SPAG16: variants seen among roughly 807,000 people sequenced by gnomAD.
SPAG16 encodes the protein sperm associated antigen 16.
In SPAG16, 86 loss-of-function variants were observed where a neutral mutation model predicts 80.4. That is an observed-to-expected ratio of 1.07 (90% CI 0.90 to 1.28). SPAG16 has a LOEUF of 1.28. Ranked by LOEUF, SPAG16 falls within the 50% of genes most tolerant of loss-of-function variation. The pLI, the probability that SPAG16 is intolerant of heterozygous loss-of-function variation, is 0.00. For synonymous variants in SPAG16, 294 were observed against 265.9 expected, an observed-to-expected ratio of 1.11 and a Z score of -1.03; for missense variants, 870 against 765.3, an observed-to-expected ratio of 1.14 and a Z score of -1.61.
At chr2:213,947,946 T>G (rs2079546553) in intron 12 of SPAG16, among the ~76,000 whole-genome samples, 1 of 152,180 alleles carries the variant, frequency 6.6e-6, no homozygotes. Context: ...CTTGCCAGTC[T>G]TATTTTTCCT....
chr2:213,694,318 G>A (rs190021168), intron 10 of SPAG16, among the ~76,000 whole-genome samples: 3 of 152,148 alleles, frequency 2.0e-5, no homozygotes, highest in Non-Finnish European at 4.4e-5. Flanking sequence ...GCTTCTCATT[G>A]ATATCCTTTT....
At position 214,057,674 on chromosome 2, in the gene SPAG16, C is replaced by T. The variant is rs559395983; in HGVS notation, c.1527+43597C>T. Among the ~76,000 whole-genome samples, 21 of 152,282 alleles carry T rather than the reference C, an allele frequency of 1.4e-4. No homozygotes were observed. In the South Asian group the frequency reaches 4.1e-3, roughly 30 times the overall value. The stretch of plus-strand genomic sequence containing the variant: ...AAGCTTTGAAGCCAGACATCGACTT[C>T]TCCTCTCTAGCTAAGAAAGTCCTAG... On this transcript the variant is annotated intron_variant, in intron 13 of 15. Transcript: ENST00000331683.
rs183338060 is a variant in SPAG16 at position 213,350,055 on chromosome 2, A to G, written c.645-473A>G. ...GCTGAATTATTCCTTCTGTTTAGAT[A>G]TCAAAATGTTTTTATACTTAATTTT... On this transcript the variant is annotated intron_variant, in intron 6 of 15. Transcript: ENST00000331683. 4.2e-3 allele frequency among the ~76,000 whole-genome samples: 641 copies of G among 152,354 alleles called. 3 individuals carry two copies. The highest frequency in any genetic ancestry group is 0.017 in the South Asian group (82 of 4,830).
intron 14 of SPAG16, among the ~76,000 whole-genome samples, chr2:214,127,332 A>G (rs777117268): frequency 3.4e-4 from 51 of 151,786 alleles, no homozygotes; most frequent in Non-Finnish European, 6.6e-4. Flanking sequence ...CAGGGGGTCC[A>G]GTGATGTTCA....
intron 7 of SPAG16, among the ~76,000 whole-genome samples, chr2:213,352,569 G>C (rs937766280): frequency 1.3e-5 from 2 of 152,170 alleles, no homozygotes; most frequent in African/African-American, 2.4e-5. Context: ...AAAGAGCTAA[G>C]AACTGGGAAT....
chr2:214,328,807 A>G (rs1038488479), intron 15 of SPAG16, among the ~76,000 whole-genome samples: 2 of 152,150 alleles, frequency 1.3e-5, no homozygotes, highest in African/African-American at 4.8e-5. Context: ...GAAAGCTTCA[A>G]TTCATGTACA....
intron 10 of SPAG16, among the ~76,000 whole-genome samples, chr2:213,778,561 G>C (rs995349689): frequency 6.6e-6 from 1 of 151,980 alleles, no homozygotes; most frequent in East Asian, 1.9e-4. Flanking sequence ...CCTAGGTTTT[G>C]TCATAACTCT....
At chr2:214,278,558 A>T (rs182963665) in intron 15 of SPAG16, among the ~76,000 whole-genome samples, 4 of 152,328 alleles carry the variant, frequency 2.6e-5, no homozygotes, top group African/African-American at 9.6e-5. Context: ...GGACTGATCT[A>T]GTCCTTCTAT....
At chr2:214,347,446 G>A (rs575167614) in intron 15 of SPAG16, among the ~76,000 whole-genome samples, 2 of 151,968 alleles carry the variant, frequency 1.3e-5, no homozygotes, top group South Asian at 2.1e-4. Flanking sequence ...GCAAGGCAAA[G>A]ATCAAATCCT....
chr2:213,833,399 G>A (rs768643222), intron 10 of SPAG16, among the ~76,000 whole-genome samples: 1 of 105,618 alleles, frequency 9.5e-6, no homozygotes, highest in Non-Finnish European at 1.8e-5. Context: ...GCATGTGTGT[G>A]AATGTGTGTG....
intron 10 of SPAG16, among the ~76,000 whole-genome samples, chr2:213,653,225 C>T (rs2063091539): frequency 2.0e-5 from 3 of 152,194 alleles, no homozygotes; most frequent in Admixed American, 2.0e-4. Context: ...TAACCTCTAC[C>T]TTTGGTTAAC....
At chr2:214,333,468 C>T (rs775143970) in intron 15 of SPAG16, among the ~76,000 whole-genome samples, 2 of 152,146 alleles carry the variant, frequency 1.3e-5, no homozygotes, top group African/African-American at 2.4e-5. Flanking sequence ...CTTTGGAATT[C>T]GATCATCCTC....
In SPAG16 at chr2:213,608,239, A is replaced by C. The variant is rs920887891; in HGVS notation, c.1070+118149A>C. ...TGCACAACGTGCAGGTTTGTTACAT[A>C]TGTATACATGTGCCATGTTGGTGTG... On this transcript the variant is annotated intron_variant, in intron 10 of 15. Transcript: ENST00000331683. 2.0e-5 allele frequency among the ~76,000 whole-genome samples: 3 copies of C among 152,110 alleles called. No homozygotes were observed. The East Asian group carries it at 5.8e-4, about 29-fold the overall frequency.
chr2:213,838,833 A>AT (rs1268281414), intron 10 of SPAG16, among the ~76,000 whole-genome samples: 4 of 152,148 alleles, frequency 2.6e-5, no homozygotes, highest in African/African-American at 9.7e-5. Context: ...CGCTTTCCTG[A>AT]TTTTTTGAAA....
intron 15 of SPAG16, among the ~76,000 whole-genome samples, chr2:214,389,684 T>C (rs1244657351): frequency 6.6e-6 from 1 of 152,244 alleles, no homozygotes; most frequent in Non-Finnish European, 1.5e-5. Flanking sequence ...AACTTGCTTA[T>C]GTTAAAGGAA....
At chr2:213,502,196 G>T (rs1201498262) in intron 10 of SPAG16, among the ~76,000 whole-genome samples, 1 of 152,134 alleles carries the variant, frequency 6.6e-6, no homozygotes, top group Non-Finnish European at 1.5e-5. Flanking sequence ...CATGAAGAGG[G>T]CTCAGTGCAG....
intron 8 of SPAG16, among the ~76,000 whole-genome samples, chr2:213,366,615 A>C (rs898471037): frequency 1.3e-5 from 2 of 151,982 alleles, no homozygotes; most frequent in African/African-American, 4.8e-5. Context: ...GCATGGGAAA[A>C]CCCGCCTCCA....
chr2:214,135,723 GTCTCTCTCTCTCTC>G (rs372301135), intron 14 of SPAG16, among the ~76,000 whole-genome samples: 1 of 145,674 alleles, frequency 6.9e-6, no homozygotes, highest in Non-Finnish European at 1.5e-5. Flanking sequence ...CTGTCTCTCT[GTCTCTCTCTCTCTC>G]TCTCTCTCTC....
At chr2:214,326,323 G>A (rs769250829) in intron 15 of SPAG16, among the ~76,000 whole-genome samples, 12 of 152,320 alleles carry the variant, frequency 7.9e-5, no homozygotes, top group Non-Finnish European at 5.9e-5. Flanking sequence ...GAGGATGGAC[G>A]AGGCTAGGAA....
Sources: allele counts gnomAD v4.1 joint callset (sites outside exome capture counted in the v4.1 genomes callset), GRCh38; gene constraint gnomAD v4.1.1; transcripts MANE v1.5; gene names NCBI Gene and HGNC (gene_info 2026-07-23, HGNC 2026-07-21).